TMEM132D: variants seen among roughly 807,000 people sequenced by gnomAD.
TMEM132D encodes the protein mature OL transmembrane protein.
In TMEM132D, 21 loss-of-function variants were observed where a neutral mutation model predicts 62.3. That is an observed-to-expected ratio of 0.34 (90% confidence interval 0.24 to 0.49). The LOEUF (loss-of-function observed/expected upper bound fraction) is 0.49, where lower values mean the gene tolerates loss of function less well. TMEM132D is among the 20% of genes least tolerant of loss of function. TMEM132D has a pLI of 0.99. For synonymous variants in TMEM132D, 621 were observed against 575.6 expected (o/e 1.08, Z -1.13); for missense variants, 1,346 against 1,402.8 (o/e 0.96, Z 0.65).
intron 5 of TMEM132D, among the ~76,000 whole-genome samples, chr12:129,137,052 T>C (rs1311477423): frequency 6.7e-6 from 1 of 149,758 alleles, no homozygotes; most frequent in Non-Finnish European, 1.5e-5. Context: ...CATCCCATCA[T>C]CGCCGTCATC....
chr12:129,260,482 T>C (rs79891937), intron 4 of TMEM132D, among the ~76,000 whole-genome samples: 2,988 of 152,298 alleles, frequency 0.02, 96 homozygotes, highest in African/African-American at 0.069. Flanking sequence ...TGGCTGTAGC[T>C]CAAAGAAGGA....
chr12:129,296,789 G>T (rs975181144), intron 4 of TMEM132D, among the ~76,000 whole-genome samples: 1 of 152,298 alleles, frequency 6.6e-6, no homozygotes, highest in South Asian at 2.1e-4. Context: ...CCAGAGCAGG[G>T]ATTGGGGAAA....
intron 2 of TMEM132D, among the ~76,000 whole-genome samples, chr12:129,625,764 T>C (rs904559632): frequency 7.9e-5 from 12 of 152,344 alleles, no homozygotes; most frequent in African/African-American, 2.9e-4. Flanking sequence ...ACACAATTTG[T>C]CACTTTATAC....
At chr12:129,592,025 A>G (rs1878202981) in intron 2 of TMEM132D, among the ~76,000 whole-genome samples, 1 of 152,220 alleles carries the variant, frequency 6.6e-6, no homozygotes, top group Admixed American at 6.5e-5. Context: ...TATTTGAAAA[A>G]AGGCTAATAA....
At chr12:129,781,082 A>AT (rs1163618637) in intron 1 of TMEM132D, among the ~76,000 whole-genome samples, 1 of 152,248 alleles carries the variant, frequency 6.6e-6, no homozygotes, top group African/African-American at 2.4e-5. Context: ...GAGTTATGCC[A>AT]TCAAAAGCTT....
intron 4 of TMEM132D, among the ~76,000 whole-genome samples, chr12:129,296,952 A>C (rs966115908): frequency 1.4e-4 from 21 of 152,210 alleles, no homozygotes; most frequent in African/African-American, 5.1e-4. Context: ...CCATTTGGGG[A>C]GGAATTTATC....
At chr12:129,741,290 T>C (rs1422828046) in intron 1 of TMEM132D, among the ~76,000 whole-genome samples, 1 of 152,202 alleles carries the variant, frequency 6.6e-6, no homozygotes, top group African/African-American at 2.4e-5. Context: ...CTCTCTTAGT[T>C]TTCTCATCTG....
intron 3 of TMEM132D, among the ~76,000 whole-genome samples, chr12:129,527,975 T>G (rs1430487114): frequency 1.3e-5 from 2 of 152,200 alleles, no homozygotes; most frequent in Non-Finnish European, 2.9e-5. Flanking sequence ...AAATTAAACC[T>G]GTCACAGTGA....
At chr12:129,114,743 G>C (rs1233579701) in intron 5 of TMEM132D, among the ~76,000 whole-genome samples, 1 of 152,086 alleles carries the variant, frequency 6.6e-6, no homozygotes, top group African/African-American at 2.4e-5. Flanking sequence ...CGTTTTCCCT[G>C]CTGTTGACCT....
intron 3 of TMEM132D, among the ~76,000 whole-genome samples, chr12:129,384,857 G>A (rs552873316): frequency 5.8e-4 from 89 of 152,248 alleles, no homozygotes; most frequent in Non-Finnish European, 9.7e-4. Flanking sequence ...TTAAGAATTT[G>A]TAGTTTAAGA....
chr12:129,328,248 C>T lies in TMEM132D; in HGVS notation c.1299+9386G>A, dbSNP rs76639822. ...TTATCTTGCTCAATTATTTTTGACA[C>T]ATTTCCCAGCTGCTTCCCCTGAGTG... On this transcript the variant is annotated intron_variant, in intron 4 of 8. Transcript: ENST00000422113. 7.3e-3 allele frequency among the ~76,000 whole-genome samples: 1,111 copies of T among 152,344 alleles called. 13 individuals carry two copies. The highest frequency in any genetic ancestry group is 0.026 in the African/African-American group (1,075 of 41,582).
chr12:129,292,888 A>G (rs550131888), intron 4 of TMEM132D, among the ~76,000 whole-genome samples: 2 of 152,336 alleles, frequency 1.3e-5, no homozygotes, highest in African/African-American at 4.8e-5. Context: ...ATGAAGACTC[A>G]GTGCCTACTA....
intron 5 of TMEM132D, chr12:129,113,022 TC>T (rs1363468629): frequency 6.6e-6 from 1 of 152,222 alleles, no homozygotes; most frequent in Non-Finnish European, 1.5e-5. Flanking sequence ...GACATAGTTT[TC>T]TTTTTTCTTC....
At chr12:129,778,962 A>T (rs1030170434) in intron 1 of TMEM132D, among the ~76,000 whole-genome samples, 2 of 152,232 alleles carry the variant, frequency 1.3e-5, no homozygotes, top group Admixed American at 6.5e-5. Flanking sequence ...ACAGCAGCTT[A>T]AAAAAGATAA....
chr12:129,898,820 G>A (rs1875235917), intron 1 of TMEM132D, among the ~76,000 whole-genome samples: 1 of 152,188 alleles, frequency 6.6e-6, no homozygotes, highest in African/African-American at 2.4e-5. Flanking sequence ...GCACGGTATG[G>A]GGTGCATTGT....
At chr12:129,325,472 C>T (rs1224146857) in intron 4 of TMEM132D, among the ~76,000 whole-genome samples, 3 of 152,128 alleles carry the variant, frequency 2.0e-5, no homozygotes, top group African/African-American at 7.2e-5. Flanking sequence ...CTGGATGGCA[C>T]CTGCAAATTA....
At chr12:129,858,845 G>A (rs1340885092) in intron 1 of TMEM132D, among the ~76,000 whole-genome samples, 2 of 131,100 alleles carry the variant, frequency 1.5e-5, no homozygotes, top group Non-Finnish European at 3.3e-5. Flanking sequence ...GGAGCGGGAT[G>A]GGTGCCCTTG....
rs567346371 is a variant in TMEM132D at position 129,074,104 on chromosome 12, A to G, written c.3071T>C (p.Ile1024Thr). 2 of 1,614,060 alleles carry G rather than the reference A, an allele frequency of 1.2e-6. No individual in the cohort carries two copies. The highest frequency in any genetic ancestry group is 4.5e-5 in the East Asian group (2 of 44,872). Reference sequence around the variant, plus strand: ...ACTTTTCTGATCTTTCCCATCAATGATGATGGGTCCCAAAGGTTTGAACAG... The same window carrying G: ...ACTTTTCTGATCTTTCCCATCAATGGTGATGGGTCCCAAAGGTTTGAACAG... ...GQLFKPLGPIIIDGKDQKSEP... is the reference protein window; with the variant it reads ...GQLFKPLGPITIDGKDQKSEP... Residue 1024 changes from isoleucine to threonine, a missense_variant, in exon 9 of 9, where the codon ATC becomes ACC. Transcript: ENST00000422113.
At chr12:129,769,191 C>T (rs1349398508) in intron 1 of TMEM132D, among the ~76,000 whole-genome samples, 3 of 152,130 alleles carry the variant, frequency 2.0e-5, no homozygotes, top group African/African-American at 7.2e-5. Flanking sequence ...TTAGTCTGTT[C>T]TCAAACTGCT....
Sources: gnomAD v4.1 joint callset for allele counts (sites outside exome capture counted in the v4.1 genomes callset) on GRCh38, gnomAD v4.1.1 for gene constraint, MANE v1.5 for transcripts, NCBI Gene and HGNC (gene_info 2026-07-23, HGNC 2026-07-21) for gene names.